FRAS1: variants seen among roughly 807,000 people sequenced by gnomAD.
The protein encoded by FRAS1 is Fraser extracellular matrix complex subunit 1, also known as extracellular matrix organizing protein FRAS1.
A neutral mutation model predicts 435.2 loss-of-function variants in FRAS1; 290 were observed. The ratio of observed to expected loss-of-function variants is 0.67; its 90% CI spans 0.61 to 0.73. FRAS1 has a LOEUF of 0.73. FRAS1 is among the 30% of genes least tolerant of loss of function. The pLI is 0.00. For missense variants in FRAS1, 4,860 were observed against 5,001.5 expected, an observed-to-expected ratio of 0.97 and a Z score of 0.85; for synonymous variants, 1,800 against 1,851.0, an observed-to-expected ratio of 0.97 and a Z score of 0.71.
At chr4:78,125,985 G>T (rs1452008737) in intron 2 of FRAS1, among the ~76,000 whole-genome samples, 5 of 152,218 alleles carry the variant, frequency 3.3e-5, no homozygotes, top group African/African-American at 1.2e-4. Flanking sequence ...CCTGCCCCCA[G>T]AGGTGGAATC....
At chr4:78,306,187 G>T (rs1226669367) in intron 14 of FRAS1, among the ~76,000 whole-genome samples, 1 of 151,738 alleles carries the variant, frequency 6.6e-6, no homozygotes, top group East Asian at 1.9e-4. Context: ...GTTGAATATT[G>T]GCCCCCACTC....
intron 2 of FRAS1, among the ~76,000 whole-genome samples, chr4:78,164,457 A>G (rs1721260171): frequency 6.6e-6 from 1 of 152,172 alleles, no homozygotes; most frequent in Admixed American, 6.6e-5. Flanking sequence ...AGAAAATATA[A>G]GAAAATATTT....
intron 20 of FRAS1, among the ~76,000 whole-genome samples, chr4:78,344,830 C>A (rs992084233): frequency 6.6e-6 from 1 of 152,180 alleles, no homozygotes; most frequent in Non-Finnish European, 1.5e-5. Flanking sequence ...TTAATGCATA[C>A]TACATTTTAA....
In FRAS1 at chr4:78,278,739, G is replaced by A; in HGVS notation, c.1066G>A (p.Glu356Lys). 1 of 1,564,346 alleles carries A rather than the reference G, an allele frequency of 6.4e-7. No individual in the cohort carries two copies. Among genetic ancestry groups the A allele is most frequent in the Non-Finnish European group, 8.8e-7 (1 of 1,136,178 alleles). The change falls in exon 10 of 74, where the codon GAA becomes AAA. Residue 356 changes from glutamate (E) to lysine (K), a missense_variant. Transcript: ENST00000512123. ...TTATTGTGTTTATGAAGAAACTGGA[G>A]AATTTGTGAGTATCAGGCTTATAAC... ...NGYCVYEETG[E>K]FMSSNASEVK...
At chr4:78,359,845 T>G (rs1233724937) in intron 20 of FRAS1, among the ~76,000 whole-genome samples, 1 of 152,186 alleles carries the variant, frequency 6.6e-6, no homozygotes, top group Admixed American at 6.5e-5. Flanking sequence ...GATTTCTCCT[T>G]TGACTCTGGG....
chr4:78,492,856 C>G (rs1266158776), intron 59 of FRAS1, among the ~76,000 whole-genome samples: 1 of 152,184 alleles, frequency 6.6e-6, no homozygotes, highest in Non-Finnish European at 1.5e-5. Flanking sequence ...AAACTATCAT[C>G]AGAGTGAACA....
chr4:78,482,566 C>G, intron 58 of FRAS1, 31 bp downstream of exon 58: 1 of 1,590,568 alleles, frequency 6.3e-7, no homozygotes, highest in Non-Finnish European at 8.5e-7. Flanking sequence ...GCTGGTAGGT[C>G]CAAATATATT....
chr4:78,504,959 G>T (rs1036206156), intron 61 of FRAS1, among the ~76,000 whole-genome samples: 5 of 152,114 alleles, frequency 3.3e-5, no homozygotes, highest in African/African-American at 4.8e-5. Context: ...GTCTCTAAAG[G>T]ATTTTATTTC....
intron 2 of FRAS1, among the ~76,000 whole-genome samples, chr4:78,130,907 G>C (rs1293260536): frequency 1.3e-5 from 2 of 152,092 alleles, no homozygotes; most frequent in African/African-American, 4.8e-5. Context: ...ATTGGAAAAA[G>C]AGCAAACTTG....
chr4:78,257,662 A>C (rs1725855309), intron 6 of FRAS1, among the ~76,000 whole-genome samples: 1 of 152,224 alleles, frequency 6.6e-6, no homozygotes, highest in Admixed American at 6.5e-5. Flanking sequence ...AAAAAGACCA[A>C]GATAGATTTG....
intron 2 of FRAS1, among the ~76,000 whole-genome samples, chr4:78,070,186 TA>T (rs1235544376): frequency 1.3e-5 from 2 of 152,166 alleles, no homozygotes; most frequent in Non-Finnish European, 2.9e-5. Flanking sequence ...CATGTCATCT[TA>T]AAAACATACA....
intron 2 of FRAS1, among the ~76,000 whole-genome samples, chr4:78,211,655 A>T (rs1389238355): frequency 6.6e-6 from 1 of 152,172 alleles, no homozygotes; most frequent in East Asian, 1.9e-4. Flanking sequence ...GAGCTCAAGT[A>T]AAGTTCTGAC....
At chr4:78,342,588 G>T (rs1480126982) in intron 20 of FRAS1, among the ~76,000 whole-genome samples, 2 of 152,218 alleles carry the variant, frequency 1.3e-5, no homozygotes, top group East Asian at 3.9e-4. Flanking sequence ...AACATTAACA[G>T]AAAACTCCAA....
intron 2 of FRAS1, among the ~76,000 whole-genome samples, chr4:78,194,345 T>G: frequency 6.6e-6 from 1 of 152,248 alleles, no homozygotes; most frequent in East Asian, 1.9e-4. Context: ...GAAGTTCTCC[T>G]GGCTAATATC....
At chr4:78,294,531 T>C (rs1049730140) in intron 14 of FRAS1, among the ~76,000 whole-genome samples, 1 of 152,240 alleles carries the variant, frequency 6.6e-6, no homozygotes, top group African/African-American at 2.4e-5. Flanking sequence ...CTTTACCAGA[T>C]ACTCCTGATG....
intron 33 of FRAS1, 136 bp from the exon 34 acceptor site, chr4:78,421,727 A>G (rs1028136341): frequency 6.1e-6 from 6 of 984,900 alleles, no homozygotes; most frequent in Middle Eastern, 2.3e-4. Context: ...GTGGCATACC[A>G]AGAGCAACCT....
chr4:78,287,073 G>A lies in FRAS1; in HGVS notation c.1534+534G>A, dbSNP rs186153657. ...CATTGACTCACAGTTCTGCGTGGCTGGAGAGGCCTCAGGAAACTTACAATC... is the reference window on the plus strand; with the variant it reads ...CATTGACTCACAGTTCTGCGTGGCTAGAGAGGCCTCAGGAAACTTACAATC... On this transcript the variant is annotated intron_variant, in intron 14 of 73. Coordinates refer to ENST00000512123, the MANE Select transcript of FRAS1 (RefSeq NM_025074.7). Among the ~76,000 whole-genome samples the A allele has an allele frequency of 3.5e-3, 538 of 152,220 alleles. 2 individuals carry two copies. Among genetic ancestry groups the A allele is most frequent in the Non-Finnish European group, 6.5e-3 (439 of 68,018 alleles).
rs1731939325 is a variant in FRAS1 at position 78,379,822 on chromosome 4, A to C, written c.3389A>C (p.Asp1130Ala). Residue 1130 changes from aspartate (D) to alanine (A), a missense_variant, in exon 27 of 74, where the codon GAC becomes GCC. Physicochemically the swap from Asp to Ala is moderately radical, Grantham distance 126 (BLOSUM62 -2). Coordinates refer to ENST00000512123, the MANE Select transcript of FRAS1 (RefSeq NM_025074.7). ...PLDFSLLNVQ[D>A]QEGRVEDLLF... ...GATTTTTCCCTCCTGAATGTCCAAG[A>C]CCAGGAGGGTAGGGTCGAAGATCTC... 1 of 1,613,774 alleles carries C rather than the reference A, an allele frequency of 6.2e-7. No individual in the cohort carries two copies. The highest frequency in any genetic ancestry group is 8.5e-7 in the Non-Finnish European group (1 of 1,179,782).
chr4:78,307,951 A>C, intron 14 of FRAS1, 115 bp from the exon 15 acceptor site: 1 of 1,018,508 alleles, frequency 9.8e-7, no homozygotes, highest in South Asian at 1.8e-5. Context: ...ATAGCAGTTT[A>C]GGAACTAAGG....
Sources: allele counts gnomAD v4.1 joint callset (sites outside exome capture counted in the v4.1 genomes callset), GRCh38; gene constraint gnomAD v4.1.1; transcripts MANE v1.5; gene names NCBI Gene and HGNC (gene_info 2026-07-23, HGNC 2026-07-21).